The following TRIM66 variants were observed in gnomAD, a reference collection of about 807,000 sequenced individuals.
TRIM66 encodes tripartite motif containing 66.
A neutral mutation model predicts 148.2 loss-of-function variants in TRIM66; 99 were observed. The observed-to-expected ratio is 0.67, with a 90% CI of 0.57 to 0.79. TRIM66 has a LOEUF of 0.79. TRIM66 is among the 30% of genes least tolerant of loss of function. The pLI, the probability that TRIM66 is intolerant of heterozygous loss-of-function variation, is 0.00. For missense variants in TRIM66, 1,666 were observed against 1,697.9 expected, an observed-to-expected ratio of 0.98 and a Z score of 0.33; for synonymous variants, 616 against 635.9, an observed-to-expected ratio of 0.97 and a Z score of 0.47.
Position 8,614,054 on chromosome 11 carries a change from T to C in TRIM66, c.*3890A>G, listed in dbSNP as rs1455868325. The C allele has an allele frequency of 6.6e-6, 1 of 152,382 alleles. No homozygotes were observed. The highest frequency in any genetic ancestry group is 1.5e-5 in the Non-Finnish European group (1 of 68,208). 9.4% of individuals were successfully genotyped at this position (152,382 alleles called of 1,614,324 possible). On this transcript the variant is annotated 3_prime_UTR_variant, in exon 25 of 25. Coordinates refer to ENST00000646038, the MANE Select transcript of TRIM66 (RefSeq NM_001388022.1). ...ATAGTTTCAGCAAAATTGAAGGGGA[T>C]ACGCCTGGCGCAGTGGCTCACGCCT...
At chr11:8,680,488 T>A (rs182008544) in intron 1 of TRIM66, among the ~76,000 whole-genome samples, 1 of 151,868 alleles carries the variant, frequency 6.6e-6, no homozygotes, top group Non-Finnish European at 1.5e-5. Context: ...AGGAAGCACA[T>A]TGGGGAGATA....
Position 8,624,424 on chromosome 11 carries a change from T to C in TRIM66, c.2954A>G (p.Lys985Arg). ...ELEEPINLSV[K>R]KPPLAPVVST... Reference sequence around the variant, plus strand: ...GACCACTGGCGCCAGTGGAGGTTTCTTCACAGAGAGGTTAATTGGCTCCTC... The same window carrying C: ...GACCACTGGCGCCAGTGGAGGTTTCCTCACAGAGAGGTTAATTGGCTCCTC... Residue 985 changes from lysine (K) to arginine (R), a missense_variant, in exon 17 of 25, where the codon AAG (lysine) becomes AGG (arginine). Transcript: ENST00000646038. The C allele has an allele frequency of 6.4e-7, 1 of 1,551,632 alleles. No individual in the cohort carries two copies. The highest frequency in any genetic ancestry group is 8.7e-7 in the Non-Finnish European group (1 of 1,146,980).
chr11:8,648,281 G>A, intron 9 of TRIM66, 135 bp downstream of exon 9: 1 of 1,395,174 alleles, frequency 7.2e-7, no homozygotes, highest in South Asian at 1.4e-5. Context: ...CAGGAGCAGA[G>A]AAAAACTTCA....
Position 8,618,740 on chromosome 11 carries a change from A to AG in TRIM66, c.4119+9_4119+10insC. 6.5e-7 allele frequency: 1 copy of AG among 1,548,244 alleles called. No homozygotes were observed. Among genetic ancestry groups the AG allele is most frequent in the South Asian group, 1.2e-5 (1 of 83,934 alleles). ...CGCCCACCTGCTGCTGGCTGGCAGT[A>AG]ACTCTTTACCATATGTCGTCGCCGC... is the stretch of plus-strand genomic sequence containing the variant. On this transcript the variant is annotated intron_variant, in intron 24 of 24. Coordinates refer to ENST00000646038, the MANE Select transcript of TRIM66 (RefSeq NM_001388022.1).
At chr11:8,620,625 C>T (rs1186186898) in intron 20 of TRIM66, 53 bp from the exon 21 acceptor site, 3 of 1,536,488 alleles carry the variant, frequency 2.0e-6, no homozygotes, top group African/African-American at 1.4e-5. Context: ...CCAGAGCACC[C>T]TTCCCTCTCC....
At chr11:8,663,968 A>G (rs2038425789) in intron 6 of TRIM66, among the ~76,000 whole-genome samples, 3 of 152,198 alleles carry the variant, frequency 2.0e-5, no homozygotes, top group Admixed American at 6.6e-5. Flanking sequence ...CAGGGGCTAG[A>G]GTGGTTGGCA....
chr11:8,675,588 G>A lies in TRIM66; in HGVS notation c.-189-705C>T, dbSNP rs191523727. ...GTAGAGACAGGGTTTCTCCATGTTG[G>A]TTAGGGTGATCTCAAACTCCCGACC... On this transcript the variant is annotated intron_variant, in intron 3 of 24. Coordinates refer to ENST00000646038, the MANE Select transcript of TRIM66 (RefSeq NM_001388022.1). Among the ~76,000 whole-genome samples, 325 of 152,052 alleles carry A rather than the reference G, an allele frequency of 2.1e-3. 1 individual carries two copies. Among genetic ancestry groups the A allele is most frequent in the Middle Eastern group, 6.8e-3 (2 of 294 alleles).
intron 6 of TRIM66, among the ~76,000 whole-genome samples, chr11:8,660,023 G>A (rs1014771932): frequency 3.3e-5 from 5 of 152,004 alleles, no homozygotes; most frequent in African/African-American, 9.7e-5. Context: ...GACTACAGGC[G>A]TGCAACCAGC....
At chr11:8,678,521 T>G (rs1246106977) in intron 3 of TRIM66, among the ~76,000 whole-genome samples, 3 of 152,192 alleles carry the variant, frequency 2.0e-5, no homozygotes, top group Non-Finnish European at 4.4e-5. Context: ...ATGATTTGAG[T>G]TGCTTATACT....
intron 6 of TRIM66, among the ~76,000 whole-genome samples, chr11:8,654,111 C>T (rs1249074449): frequency 3.3e-5 from 5 of 152,200 alleles, no homozygotes; most frequent in South Asian, 2.1e-4. Context: ...CATGGCCTCA[C>T]GAGCAGAATG....
intron 3 of TRIM66, chr11:8,678,951 C>A (rs1402342982): frequency 6.6e-6 from 1 of 152,200 alleles, no homozygotes; most frequent in Non-Finnish European, 1.5e-5. Flanking sequence ...TGTCTGGTAT[C>A]ATCTCTTCCG....
At chr11:8,673,285 G>C (rs2039030812) in intron 4 of TRIM66, among the ~76,000 whole-genome samples, 1 of 151,964 alleles carries the variant, frequency 6.6e-6, no homozygotes, top group Non-Finnish European at 1.5e-5. Context: ...ATTTTCATGA[G>C]TTCTGTCCAC....
Position 8,643,034 on chromosome 11 carries a change from G to C in TRIM66, c.1197C>G (p.Phe399Leu). Residue 399 changes from phenylalanine (F) to leucine (L), a missense_variant, in exon 13 of 25, where the codon TTC (phenylalanine) becomes TTG (leucine). Physicochemically the swap from Phe to Leu is conservative, Grantham distance 22. Coordinates refer to ENST00000646038, the MANE Select transcript of TRIM66 (RefSeq NM_001388022.1). ...CAAGAGAAGCTAGCTGCTTGGTCCA[G>C]AAGTTAGGCTCCCAGGTGAATCTGA... is the stretch of plus-strand genomic sequence containing the variant. Reference protein sequence around the residue: ...WSIRFTWEPNFWTKQLASLGC... With the variant: ...WSIRFTWEPNLWTKQLASLGC... 3 of 1,551,238 alleles carry C rather than the reference G, an allele frequency of 1.9e-6. No homozygotes were observed. Among genetic ancestry groups the C allele is most frequent in the Non-Finnish European group, 2.6e-6 (3 of 1,146,842 alleles).
chr11:8,663,535 C>T (rs1459784670), intron 6 of TRIM66, among the ~76,000 whole-genome samples: 2 of 152,150 alleles, frequency 1.3e-5, no homozygotes, highest in Non-Finnish European at 2.9e-5. Context: ...CGCTCTCTCT[C>T]TCTTCCCCCT....
In TRIM66 at chr11:8,670,712, GTTAA is replaced by G. The variant is rs1169281397; in HGVS notation, c.340+1070_340+1073del. ...GCCACTTATAAAGACAGTAAGATTT[GTTAA>G]TTAAAATTAAGATTAAGGAAAAACT... On this transcript the variant is annotated intron_variant, in intron 6 of 24. Transcript: ENST00000646038. 3.3e-5 allele frequency among the ~76,000 whole-genome samples: 5 copies of G among 152,254 alleles called. No homozygotes were observed. In the East Asian group the frequency reaches 7.7e-4, roughly 23 times the overall value.
upstream of TRIM66, chr11:8,682,671 G>A (rs879348957): frequency 9.9e-6 from 9 of 906,306 alleles, no homozygotes; most frequent in Admixed American, 3.8e-5. Context: ...GAAGCGACTA[G>A]CAGGCGCGCA....
At chr11:8,646,318 C>T (rs752879839) in intron 11 of TRIM66, 129 bp downstream of exon 11, 98 of 739,780 alleles carry the variant, frequency 1.3e-4, no homozygotes, top group Non-Finnish European at 2.0e-4. Flanking sequence ...TTTTAAAATA[C>T]AGGGAGCAGC....
chr11:8,615,774 G>A lies in TRIM66; in HGVS notation c.*2170C>T, dbSNP rs896128343. ...GCCCAGGAGGCCACACCCAAGCTGG[G>A]AGCCTCACTCATATAAGGAAAGCCA... On this transcript the variant is annotated 3_prime_UTR_variant, in exon 25 of 25. Transcript: ENST00000646038. The A allele has an allele frequency of 1.3e-5, 2 of 152,152 alleles. No individual in the cohort carries two copies. Among genetic ancestry groups the A allele is most frequent in the Non-Finnish European group, 2.9e-5 (2 of 68,038 alleles). 9.4% of individuals were successfully genotyped at this position (152,152 alleles called of 1,614,324 possible).
At position 8,640,883 on chromosome 11, in the gene TRIM66, T is replaced by A. The variant is rs377260488; in HGVS notation, c.1492A>T (p.Met498Leu). The A allele has an allele frequency of 3.1e-4, 482 of 1,550,342 alleles. 4 individuals are homozygous for A. Among genetic ancestry groups the A allele is most frequent in the Admixed American group, 6.3e-4 (32 of 50,984 alleles). Residue 498 changes from methionine (M) to leucine (L), a missense_variant, in exon 14 of 25, where the codon ATG becomes TTG. Met to Leu is a conservative substitution (Grantham distance 15). Around this residue, in one of 3 missense-constraint regions of TRIM66, gnomAD observed 1,431 missense variants for 1,412.4 expected, o/e 1.01. Coordinates refer to ENST00000646038, the MANE Select transcript of TRIM66 (RefSeq NM_001388022.1). Reference protein sequence around the residue: ...PAHSFRQPPEMVPQQLGSLQC... With the variant: ...PAHSFRQPPELVPQQLGSLQC... Reference sequence around the variant, plus strand: ...AGAGACCCCAGCTGCTGGGGCACCATCTCAGGGGGCTGCCTGAAGCTGTGG... The same window carrying A: ...AGAGACCCCAGCTGCTGGGGCACCAACTCAGGGGGCTGCCTGAAGCTGTGG...
Sources: gnomAD v4.1 joint callset for allele counts (sites outside exome capture counted in the v4.1 genomes callset) on GRCh38, gnomAD v4.1.1 for gene constraint, gnomAD v4.1.1 regional missense constraint, MANE v1.5 for transcripts, NCBI Gene and HGNC (gene_info 2026-07-23, HGNC 2026-07-21) for gene names.